The following SEMA3F variants were observed in gnomAD, a reference collection of about 807,000 sequenced individuals.
SEMA3F encodes the protein semaphorin 3F, also known as semaphorin-3F.
SEMA3F carries 30 observed loss-of-function variants against 98.5 expected under a neutral mutation model. The observed-to-expected ratio is 0.30, with a 90% CI of 0.23 to 0.41. The LOEUF (loss-of-function observed/expected upper bound fraction) is 0.41. SEMA3F is among the 10% of genes least tolerant of loss of function. The pLI is 1.00. For synonymous variants in SEMA3F, 380 were observed against 444.8 expected, an observed-to-expected ratio of 0.85 and a Z score of 1.83; for missense variants, 866 against 1,119.3, an observed-to-expected ratio of 0.77 and a Z score of 3.23.
rs1326338065 is a variant in SEMA3F, at chr3:50,158,583, C to T, written c.-48-992C>T. Among the ~76,000 whole-genome samples, 11 of 152,302 alleles carry T rather than the reference C, an allele frequency of 7.2e-5. No individual in the cohort carries two copies. Among genetic ancestry groups the T allele is most frequent in the East Asian group, 1.9e-4 (1 of 5,184 alleles). On this transcript the variant is annotated intron_variant, in intron 1 of 18. Transcript: ENST00000002829. This position sits in a 1 kb window ranked among gnomAD's most constrained non-coding sequence, Gnocchi z 4.8. ...GATGGGCCTGGGGTCCTGCCTGCCA[C>T]GGAAGAAGGGAGTACACAGGGCAGA...
At chr3:50,161,105 G>T (rs1357252983) in intron 2 of SEMA3F, among the ~76,000 whole-genome samples, 1 of 152,098 alleles carries the variant, frequency 6.6e-6, no homozygotes, top group Non-Finnish European at 1.5e-5. Context: ...CCCCTCCCCA[G>T]CCCAGGGTCT....
At chr3:50,173,723 C>G (rs753671263) in intron 2 of SEMA3F, 70 bp from the exon 3 acceptor site, 33 of 1,422,626 alleles carry the variant, frequency 2.3e-5, no homozygotes, top group Non-Finnish European at 3.1e-5. Flanking sequence ...TCAGTCTCCC[C>G]TTTATCAGAG....
chr3:50,169,049 G>A (rs1179058434), intron 2 of SEMA3F, among the ~76,000 whole-genome samples: 1 of 152,168 alleles, frequency 6.6e-6, no homozygotes, highest in African/African-American at 2.4e-5. Flanking sequence ...CTGTCAGTCA[G>A]GGCCTGCTGC....
chr3:50,174,376 T>G (rs368343046), intron 5 of SEMA3F, 26 bp downstream of exon 5: 11 of 1,597,960 alleles, frequency 6.9e-6, no homozygotes, highest in Non-Finnish European at 9.4e-6. Context: ...CCTGGCCCTG[T>G]GCTGCCCCCG....
chr3:50,157,934 G>A (rs1344982690), intron 1 of SEMA3F, among the ~76,000 whole-genome samples: 2 of 152,184 alleles, frequency 1.3e-5, no homozygotes, highest in South Asian at 2.1e-4. Flanking sequence ...GGACTCAGAC[G>A]GCATCTTGCG....
chr3:50,157,892 G>A (rs1389111432), intron 1 of SEMA3F, among the ~76,000 whole-genome samples: 2 of 152,176 alleles, frequency 1.3e-5, no homozygotes, highest in Non-Finnish European at 2.9e-5. Context: ...GTTGACAGGA[G>A]CCCCCGTTAC....
chr3:50,172,129 A>G (rs921492471), intron 2 of SEMA3F, among the ~76,000 whole-genome samples: 3 of 152,054 alleles, frequency 2.0e-5, no homozygotes, highest in African/African-American at 4.8e-5. Flanking sequence ...CTCTCCCTTG[A>G]CTGCCCCACC....
intron 2 of SEMA3F, among the ~76,000 whole-genome samples, chr3:50,165,053 A>G (rs1575380328): frequency 6.6e-6 from 1 of 152,128 alleles, no homozygotes; most frequent in East Asian, 1.9e-4. Context: ...GGTAAGGGAG[A>G]TGGTATTTGG....
chr3:50,170,430 A>T (rs929067586), intron 2 of SEMA3F, among the ~76,000 whole-genome samples: 1 of 152,060 alleles, frequency 6.6e-6, no homozygotes, highest in East Asian at 1.9e-4. Context: ...ATGGGGATGG[A>T]TGCCCTACAA....
Position 50,159,636 on chromosome 3 carries a change from G to A in SEMA3F, c.14G>A (p.Gly5Asp). Residue 5 changes from glycine to aspartate, a missense_variant, in exon 2 of 19, where the codon GGT becomes GAT. By Grantham distance (94) the Gly-to-Asp change is moderately conservative. This residue lies in a region of SEMA3F where 247 missense variants were observed against 276.0 expected (regional missense o/e 0.89). Transcript: ENST00000002829. MLVA[G>D]LLLWASLLTG... ...GCCCCTCCCACAATGCTTGTCGCCG[G>A]TCTTCTTCTCTGGGCTTCCCTACTG... 1.2e-6 allele frequency: 2 copies of A among 1,610,262 alleles called. No homozygotes were observed. Among genetic ancestry groups the A allele is most frequent in the Non-Finnish European group, 1.7e-6 (2 of 1,178,138 alleles).
At chr3:50,184,403 C>T (rs2109118942) in intron 12 of SEMA3F, 189 bp from the exon 13 acceptor site, 2 of 594,378 alleles carry the variant, frequency 3.4e-6, no homozygotes, top group Non-Finnish European at 6.0e-6. Flanking sequence ...GGCATTTGGC[C>T]ACCTGGGACC....
Position 50,182,552 on chromosome 3 carries a change from G to A in SEMA3F, c.764-92G>A. The A allele has an allele frequency of 6.3e-7, 1 of 1,578,326 alleles. No individual in the cohort carries two copies. Among genetic ancestry groups the A allele is most frequent in the East Asian group, 2.2e-5 (1 of 44,452 alleles). ...GTTTCTTATCTGGAGAGGAGTTGGG[G>A]GTGTTCTTGCACCTGGCTGGGGATT... is the stretch of plus-strand genomic sequence containing the variant. On this transcript the variant is annotated intron_variant, in intron 8 of 18. Coordinates refer to ENST00000002829, the MANE Select transcript of SEMA3F (RefSeq NM_004186.5). The surrounding 1 kb of genome is among the most constrained non-coding windows in gnomAD (Gnocchi z 4.5).
chr3:50,156,370 C>T lies in SEMA3F; in HGVS notation c.-49+806C>T, dbSNP rs1697983992. ...AGTTGGCTGGAGCTGGGGCTGGGGG[C>T]CCCACTGGATAAATAACTCCTAATT... is the stretch of plus-strand genomic sequence containing the variant. On this transcript the variant is annotated intron_variant, in intron 1 of 18. Coordinates refer to ENST00000002829, the MANE Select transcript of SEMA3F (RefSeq NM_004186.5). The surrounding 1 kb of genome is among the most constrained non-coding windows in gnomAD (Gnocchi z 4.5). 6.6e-6 allele frequency among the ~76,000 whole-genome samples: 1 copy of T among 152,132 alleles called. No individual in the cohort carries two copies. The highest frequency in any genetic ancestry group is 1.5e-5 in the Non-Finnish European group (1 of 68,024).
intron 2 of SEMA3F, among the ~76,000 whole-genome samples, chr3:50,170,517 C>T (rs1203383521): frequency 6.6e-6 from 1 of 152,240 alleles, no homozygotes; most frequent in East Asian, 1.9e-4. Context: ...CCCTGAAAGG[C>T]AGAGACACCC....
intron 5 of SEMA3F, among the ~76,000 whole-genome samples, 177 bp downstream of exon 5, chr3:50,174,527 G>T (rs1400594733): frequency 6.6e-6 from 1 of 152,256 alleles, no homozygotes; most frequent in African/African-American, 2.4e-5. Flanking sequence ...GGGGCTAACC[G>T]CTGCCTTTCT....
chr3:50,185,808 G>T, intron 15 of SEMA3F, 81 bp from the exon 16 acceptor site: 17 of 1,606,880 alleles, frequency 1.1e-5, no homozygotes, highest in Non-Finnish European at 1.3e-5. Flanking sequence ...CATGGAACAG[G>T]GGAGAGGAGC....
chr3:50,166,194 T>G lies in SEMA3F; in HGVS notation c.112+6460T>G, dbSNP rs1218050248. Among the ~76,000 whole-genome samples, 1 of 151,704 alleles carries G rather than the reference T, an allele frequency of 6.6e-6. No homozygotes were observed. Among genetic ancestry groups the G allele is most frequent in the Non-Finnish European group, 1.5e-5 (1 of 67,940 alleles). ...GACATGCTCTTTCCTCGGACGTCTC[T>G]GTACCCAGCCAAGAGCCTTGTTCCT... On this transcript the variant is annotated intron_variant, in intron 2 of 18. Coordinates refer to ENST00000002829, the MANE Select transcript of SEMA3F (RefSeq NM_004186.5). The surrounding 1 kb of genome is among the most constrained non-coding windows in gnomAD (Gnocchi z 4.7).
intron 1 of SEMA3F, among the ~76,000 whole-genome samples, chr3:50,157,365 C>T (rs758970086): frequency 2.6e-5 from 4 of 151,912 alleles, no homozygotes; most frequent in African/African-American, 9.7e-5. Context: ...TCCTCCCTCC[C>T]GCCTGCCTCC....
intron 2 of SEMA3F, among the ~76,000 whole-genome samples, chr3:50,168,742 G>C (rs2109075285): frequency 6.6e-6 from 1 of 152,290 alleles, no homozygotes; most frequent in East Asian, 1.9e-4. Flanking sequence ...ACCCCTTCCT[G>C]GATCCTGTGG....
Sources: gnomAD v4.1 joint callset for allele counts (sites outside exome capture counted in the v4.1 genomes callset) on GRCh38, gnomAD v4.1.1 for gene constraint, gnomAD v4.1.1 regional missense constraint, Gnocchi (gnomAD v3.1) non-coding constraint, MANE v1.5 for transcripts, NCBI Gene and HGNC (gene_info 2026-07-23, HGNC 2026-07-21) for gene names.